The following UBE2A variants were observed in gnomAD, a reference collection of about 807,000 sequenced individuals.
UBE2A encodes the protein ubiquitin conjugating enzyme E2 A.
For missense variants in UBE2A, 27 were observed against 125.8 expected (o/e 0.21, Z 3.76); for synonymous variants, 39 against 41.1 (o/e 0.95, Z 0.20).
chrX:119,582,811 A>G, intron 5 of UBE2A, 135 bp downstream of exon 5: 1 of 577,739 alleles, frequency 1.7e-6, no homozygotes, highest in East Asian at 3.7e-5. Flanking sequence ...GATGAAAAGT[A>G]GACCATTAAG....
chrX:119,582,757 G>A lies in UBE2A; in HGVS notation c.330+81G>A. 6.2e-6 allele frequency: 5 copies of A among 801,480 alleles called. No individual in the cohort carries two copies. The South Asian group carries it at 6.6e-5, about 11-fold the overall frequency. 66.1% of individuals were successfully genotyped at this position (801,480 alleles called of 1,213,427 possible). ...TTGAATTGTTTTTGAAAGTCATAAT[G>A]TAATAGATCTTTTTATTTTTGGTCA... is the stretch of plus-strand genomic sequence containing the variant. On this transcript the variant is annotated intron_variant, in intron 5 of 5. Coordinates refer to ENST00000371558, the MANE Select transcript of UBE2A (RefSeq NM_003336.4).
Position 119,583,153 on chromosome X carries a change from T to C in UBE2A, c.357T>C (p.Asn119=). 8.3e-7 allele frequency: 1 copy of C among 1,211,727 alleles called. No individual in the cohort carries two copies. The highest frequency in any genetic ancestry group is 1.1e-6 in the Non-Finnish European group (1 of 895,488). Residue 119 remains asparagine (N), a synonymous_variant, in exon 6 of 6, where the codon AAT becomes AAC. Coordinates refer to ENST00000371558, the MANE Select transcript of UBE2A (RefSeq NM_003336.4). Reference sequence around the variant, plus strand: ...CTCTGTTGGATGAACCCAATCCCAATAGTCCAGCAAACAGCCAGGCTGCTC... The same window carrying C: ...CTCTGTTGGATGAACCCAATCCCAACAGTCCAGCAAACAGCCAGGCTGCTC... The part of the protein sequence containing the change: ...IQSLLDEPNP[N]SPANSQAAQL...
intron 3 of UBE2A, among the ~76,000 whole-genome samples, chrX:119,577,581 C>T (rs1288851228): frequency 9.2e-6 from 1 of 109,103 alleles, no homozygotes; most frequent in Non-Finnish European, 1.9e-5. Flanking sequence ...ATGGATGCTT[C>T]CTCAGGTGTC....
chrX:119,583,850 T>C lies in UBE2A; in HGVS notation c.*595T>C, dbSNP rs181367972. ...AAGTTGAAGGACTCAGCTAAAGGAG[T>C]ACAGCAATTGTAGTAACTGACACAT... is the stretch of plus-strand genomic sequence containing the variant. On this transcript the variant is annotated 3_prime_UTR_variant, in exon 6 of 6. Transcript: ENST00000371558. 1 of 113,748 alleles carries C rather than the reference T, an allele frequency of 8.8e-6. No individual in the cohort carries two copies. The highest frequency in any genetic ancestry group is 2.8e-4 in the East Asian group (1 of 3,617). 9.4% of individuals were successfully genotyped at this position (113,748 alleles called of 1,213,427 possible). A position where few individuals can be genotyped will look rare whatever the true frequency, so the allele number is the denominator to read the frequency against.
chrX:119,581,255 T>C (rs2147380124), intron 3 of UBE2A: 1 of 264,746 alleles, frequency 3.8e-6, no homozygotes, highest in East Asian at 7.1e-5. Flanking sequence ...GTGGCTAAAA[T>C]CTTGTAAGCA....
rs761281338 is a variant in UBE2A, at chrX:119,583,183, G to A, written c.387G>A (p.Leu129=). 8.3e-7 allele frequency: 1 copy of A among 1,211,823 alleles called. No homozygotes were observed. The highest frequency in any genetic ancestry group is 1.1e-6 in the Non-Finnish European group (1 of 895,523). Residue 129 remains leucine (L), a synonymous_variant, in exon 6 of 6, where the codon CTG becomes CTA. Transcript: ENST00000371558. ...CAGCAAACAGCCAGGCTGCTCAGCT[G>A]TACCAGGAGAACAAACGGGAATATG... is the stretch of plus-strand genomic sequence containing the variant. ...NSPANSQAAQ[L]YQENKREYEK... is the part of the protein sequence containing the mutation.
In UBE2A at chrX:119,574,595, G is replaced by C; in HGVS notation, c.-117G>C. Reference sequence around the variant, plus strand: ...CCCTCGACTTCGGAGAGGCAGCGCGGTTCCTCTGGGTGCTTCCGCCTCCCC... The same window carrying C: ...CCCTCGACTTCGGAGAGGCAGCGCGCTTCCTCTGGGTGCTTCCGCCTCCCC... On this transcript the variant is annotated 5_prime_UTR_variant, in exon 1 of 6. Coordinates refer to ENST00000371558, the MANE Select transcript of UBE2A (RefSeq NM_003336.4). 1.0e-6 allele frequency: 1 copy of C among 1,001,549 alleles called. No individual in the cohort carries two copies. The highest frequency in any genetic ancestry group is 1.4e-6 in the Non-Finnish European group (1 of 729,745). The allele number at this position is 1,001,549 out of a possible 1,213,427, so 82.5% of individuals were successfully genotyped here. A position where few individuals can be genotyped will look rare whatever the true frequency, so the allele number is the denominator to read the frequency against.
chrX:119,582,739 G>A, intron 5 of UBE2A, 63 bp downstream of exon 5: 3 of 882,404 alleles, frequency 3.4e-6, no homozygotes, highest in Non-Finnish European at 5.0e-6. Context: ...CAATTGAATT[G>A]TTTTTGAAAG....
chrX:119,575,239 CGG>C, intron 2 of UBE2A, 134 bp from the exon 3 acceptor site: 1 of 950,943 alleles, frequency 1.1e-6, no homozygotes, highest in Non-Finnish European at 1.5e-6. Context: ...TCTCTGAGCC[CGG>C]GACATCCATT....
At position 119,583,566 on chromosome X, in the gene UBE2A, A is replaced by G. The variant is rs754762203; in HGVS notation, c.*311A>G. 4 of 272,825 alleles carry G rather than the reference A, an allele frequency of 1.5e-5. No individual in the cohort carries two copies. The highest frequency in any genetic ancestry group is 2.6e-5 in the Non-Finnish European group (4 of 152,207). The allele number at this position is 272,825 out of a possible 1,213,427, so 22.5% of individuals were successfully genotyped here. Reference sequence around the variant, plus strand: ...ATTGTACTTTAAGCTTTTAAGATGAATTGTTATACAAGAGGTGCTTATGCT... The same window carrying G: ...ATTGTACTTTAAGCTTTTAAGATGAGTTGTTATACAAGAGGTGCTTATGCT... On this transcript the variant is annotated 3_prime_UTR_variant, in exon 6 of 6. Transcript: ENST00000371558.
chrX:119,574,781 G>A (rs1196023546), intron 1 of UBE2A, 26 bp downstream of exon 1: 1 of 1,183,597 alleles, frequency 8.4e-7, no homozygotes. Flanking sequence ...GGCCGAGGCC[G>A]GGGGTTGCGA....
chrX:119,577,482 G>T (rs750224551), intron 3 of UBE2A, among the ~76,000 whole-genome samples: 1 of 110,335 alleles, frequency 9.1e-6, no homozygotes, highest in East Asian at 2.8e-4. Context: ...GACATTACTG[G>T]TTCTATTTTT....
At chrX:119,582,040 C>G (rs774815623) in intron 4 of UBE2A, among the ~76,000 whole-genome samples, 2 of 112,400 alleles carry the variant, frequency 1.8e-5, no homozygotes, top group African/African-American at 6.5e-5. Context: ...TTGTTGAAGG[C>G]CAGGCATACG....
intron 3 of UBE2A, among the ~76,000 whole-genome samples, chrX:119,577,587 G>A (rs751843642): frequency 5.6e-5 from 6 of 108,054 alleles, no homozygotes; most frequent in African/African-American, 2.0e-4. Context: ...GCTTCCTCAG[G>A]TGTCTGGAAC....
intron 3 of UBE2A, among the ~76,000 whole-genome samples, chrX:119,578,552 T>C (rs1391108280): frequency 4.5e-5 from 5 of 111,596 alleles, no homozygotes; most frequent in Non-Finnish European, 5.7e-5. Flanking sequence ...GAAAAATCGA[T>C]TTTCAGTCAT....
rs1340622566 is a variant in UBE2A, at chrX:119,574,567, C to A, written c.-145C>A. On this transcript the variant is annotated 5_prime_UTR_variant, in exon 1 of 6. Transcript: ENST00000371558. ...GGGTGGTGCTTAGCCGGCGCCAGAC[C>A]GACCCTCGACTTCGGAGAGGCAGCG... is the stretch of plus-strand genomic sequence containing the variant. 8 of 819,652 alleles carry A rather than the reference C, an allele frequency of 9.8e-6. No individual in the cohort carries two copies. Among genetic ancestry groups the A allele is most frequent in the Non-Finnish European group, 1.4e-5 (8 of 566,696 alleles). The allele number at this position is 819,652 out of a possible 1,213,427, so 67.5% of individuals were successfully genotyped here.
rs1015630105 is a variant in UBE2A, at chrX:119,582,510, G to T, written c.242-78G>T. ...TAAACTTCAAAAGCAAAGTATTCTT[G>T]ACTATTTTTGTTTTGTCTATAATGT... On this transcript the variant is annotated intron_variant, in intron 4 of 5. Transcript: ENST00000371558. 2.0e-5 allele frequency: 15 copies of T among 751,065 alleles called. No individual in the cohort carries two copies. The African/African-American group carries it at 3.2e-4, about 16-fold the overall frequency. 61.9% of individuals were successfully genotyped at this position (751,065 alleles called of 1,213,427 possible). A position where few individuals can be genotyped will look rare whatever the true frequency, so the allele number is the denominator to read the frequency against.
At position 119,580,594 on chromosome X, in the gene UBE2A, A is replaced by G. The variant is rs745719469; in HGVS notation, c.152-913A>G. ...AATTGTGTTCTTCAATTTATTCAAC[A>G]AACAATTGAAAATAATATTTTAAAG... is the stretch of plus-strand genomic sequence containing the variant. On this transcript the variant is annotated intron_variant, in intron 3 of 5. Transcript: ENST00000371558. 9.8e-5 allele frequency: 11 copies of G among 112,396 alleles called. No homozygotes were observed. The South Asian group carries it at 4.0e-3, about 41-fold the overall frequency. 9.3% of individuals were successfully genotyped at this position (112,396 alleles called of 1,213,427 possible). A position where few individuals can be genotyped will look rare whatever the true frequency, so the allele number is the denominator to read the frequency against.
rs971850884 is a variant in UBE2A, at chrX:119,574,762, C to T, written c.44+7C>T. 3 of 1,190,307 alleles carry T rather than the reference C, an allele frequency of 2.5e-6. No individual in the cohort carries two copies. The highest frequency in any genetic ancestry group is 3.7e-5 in the South Asian group (2 of 54,219). On this transcript the variant is annotated splice_region_variant and intron_variant, in intron 1 of 5. Coordinates refer to ENST00000371558, the MANE Select transcript of UBE2A (RefSeq NM_003336.4). ...TCATGCGGGACTTCAAGAGGTAAAC[C>T]GAGGGGACGGCCGAGGCCGGGGGTT...
Sources: gnomAD v4.1 joint callset for allele counts (sites outside exome capture counted in the v4.1 genomes callset) on GRCh38, gnomAD v4.1.1 for gene constraint, MANE v1.5 for transcripts, NCBI Gene and HGNC (gene_info 2026-07-23, HGNC 2026-07-21) for gene names.